The following SLC25A21 variants were observed in gnomAD, a reference collection of about 807,000 sequenced individuals.
SLC25A21 encodes solute carrier family 25 member 21.
In SLC25A21, 47 loss-of-function variants were observed where a neutral mutation model predicts 43.8. That is an observed-to-expected ratio of 1.07 (90% confidence interval 0.85 to 1.37). SLC25A21 has a LOEUF of 1.37. SLC25A21 is among the 40% of genes most tolerant of loss of function. SLC25A21 has a pLI of 0.00. For synonymous variants in SLC25A21, 131 were observed against 121.3 expected (o/e 1.08, Z -0.52); for missense variants, 352 against 350.2 (o/e 1.00, Z -0.04).
intron 2 of SLC25A21, among the ~76,000 whole-genome samples, chr14:36,817,473 C>T (rs1167619903): frequency 5.9e-5 from 9 of 152,094 alleles, no homozygotes; most frequent in Admixed American, 5.9e-4. Flanking sequence ...AACACCACAG[C>T]CGCCTACCCC....
chr14:36,876,302 A>G lies in SLC25A21; in HGVS notation c.71-1298T>C, dbSNP rs143984746. Reference sequence around the variant, plus strand: ...CCCACTTTGCTTCTGCAGAAGCCTTAGGAAGTTTTCCCTGCATATGCCTGC... The same window carrying G: ...CCCACTTTGCTTCTGCAGAAGCCTTGGGAAGTTTTCCCTGCATATGCCTGC... On this transcript the variant is annotated intron_variant, in intron 1 of 9. Coordinates refer to ENST00000331299, the MANE Select transcript of SLC25A21 (RefSeq NM_030631.4). 6.6e-5 allele frequency among the ~76,000 whole-genome samples: 10 copies of G among 152,288 alleles called. No individual in the cohort carries two copies. In the East Asian group the frequency reaches 1.9e-3, roughly 29 times the overall value.
chr14:36,929,762 G>A (rs1442278958), intron 1 of SLC25A21, among the ~76,000 whole-genome samples: 2 of 152,156 alleles, frequency 1.3e-5, no homozygotes, highest in Non-Finnish European at 2.9e-5. Context: ...TCTCCAAGAA[G>A]GCCACCGTCA....
intron 1 of SLC25A21, among the ~76,000 whole-genome samples, chr14:37,013,665 C>T (rs574524759): frequency 1.3e-5 from 2 of 152,036 alleles, no homozygotes; most frequent in Non-Finnish European, 2.9e-5. Context: ...AAATATTTAC[C>T]CCTCACCCCC....
At chr14:36,758,577 G>C (rs1334758121) in intron 3 of SLC25A21, among the ~76,000 whole-genome samples, 2 of 136,112 alleles carry the variant, frequency 1.5e-5, no homozygotes, top group Non-Finnish European at 3.2e-5. Flanking sequence ...TTTCTATATT[G>C]GGTCAGCCAG....
rs1202734856 is a variant in SLC25A21 at position 36,680,383 on chromosome 14, G to GAAAT, written c.*271_*274dup. 2.9e-6 allele frequency: 3 copies of GAAAT among 1,044,316 alleles called. No homozygotes were observed. The highest frequency in any genetic ancestry group is 4.6e-5 in the South Asian group (1 of 21,640). The allele number at this position is 1,044,316 out of a possible 1,614,324, so 64.7% of individuals were successfully genotyped here. A position where few individuals can be genotyped will look rare whatever the true frequency, so the allele number is the denominator to read the frequency against. On this transcript the variant is annotated 3_prime_UTR_variant, in exon 10 of 10. Transcript: ENST00000331299. ...GAGACAAAGTTTCTATTTATTTTAT[G>GAAAT]AAATAAATATATGATTTCTATGCTA...
intron 4 of SLC25A21, among the ~76,000 whole-genome samples, chr14:36,733,187 A>ACT (rs1884900298): frequency 6.6e-6 from 1 of 152,254 alleles, no homozygotes; most frequent in Admixed American, 6.5e-5. Context: ...CTCACTGAAC[A>ACT]GATGAGTATA....
At chr14:36,836,480 A>G (rs1889213652) in intron 2 of SLC25A21, among the ~76,000 whole-genome samples, 1 of 152,204 alleles carries the variant, frequency 6.6e-6, no homozygotes, top group Non-Finnish European at 1.5e-5. Flanking sequence ...TGGTGTCTTT[A>G]CATTTCAGGT....
intron 1 of SLC25A21, among the ~76,000 whole-genome samples, chr14:37,100,030 GTT>G (rs549397815): frequency 0.03 from 2,113 of 71,050 alleles, 27 homozygotes; most frequent in Non-Finnish European, 0.036. Flanking sequence ...CCACCTCTAT[GTT>G]TGTTTGTTTG....
At chr14:37,123,768 C>G (rs1963251313) in intron 1 of SLC25A21, among the ~76,000 whole-genome samples, 1 of 152,014 alleles carries the variant, frequency 6.6e-6, no homozygotes, top group Non-Finnish European at 1.5e-5. Flanking sequence ...CACCTGTAGC[C>G]CTAGCACTTT....
In SLC25A21 at chr14:36,679,156, G is replaced by A; in HGVS notation, c.*1502C>T. 1.0e-6 allele frequency: 1 copy of A among 985,308 alleles called. No homozygotes were observed. The highest frequency in any genetic ancestry group is 1.7e-5 in the African/African-American group (1 of 57,322). The allele number at this position is 985,308 out of a possible 1,614,324, so 61.0% of individuals were successfully genotyped here. A position where few individuals can be genotyped will look rare whatever the true frequency, so the allele number is the denominator to read the frequency against. On this transcript the variant is annotated 3_prime_UTR_variant, in exon 10 of 10. Coordinates refer to ENST00000331299, the MANE Select transcript of SLC25A21 (RefSeq NM_030631.4). ...ACCTGCAAGGATAGAATGCAGTTGT[G>A]CAACAGAGACACATTCTTATTTCTT...
chr14:36,779,566 ATAT>A (rs1219275465), intron 3 of SLC25A21, among the ~76,000 whole-genome samples: 24 of 143,630 alleles, frequency 1.7e-4, no homozygotes, highest in Non-Finnish European at 3.5e-4. Context: ...TATATGAAGA[ATAT>A]TATCCAGTCT....
intron 1 of SLC25A21, among the ~76,000 whole-genome samples, chr14:36,888,706 T>C (rs1373490112): frequency 1.3e-5 from 2 of 152,156 alleles, no homozygotes; most frequent in African/African-American, 4.8e-5. Flanking sequence ...TCATTAGATG[T>C]ACAGAAACAG....
chr14:36,717,006 C>T (rs1387895431), intron 6 of SLC25A21, among the ~76,000 whole-genome samples: 3 of 152,082 alleles, frequency 2.0e-5, no homozygotes, highest in South Asian at 2.1e-4. Flanking sequence ...GAAAGCAAAC[C>T]GGATGAGACT....
At chr14:36,804,076 T>TAAAC (rs577826592) in intron 3 of SLC25A21, among the ~76,000 whole-genome samples, 68 of 152,320 alleles carry the variant, frequency 4.5e-4, no homozygotes, top group African/African-American at 1.2e-3. Context: ...AGACCTTTTT[T>TAAAC]AAACAAACAA....
chr14:37,151,714 G>C (rs1963761832), intron 1 of SLC25A21, among the ~76,000 whole-genome samples: 1 of 152,116 alleles, frequency 6.6e-6, no homozygotes, highest in South Asian at 2.1e-4. Flanking sequence ...CCTTGAACAA[G>C]ATATTTAATT....
chr14:37,156,685 T>C (rs1043806742), intron 1 of SLC25A21, among the ~76,000 whole-genome samples: 3 of 152,032 alleles, frequency 2.0e-5, no homozygotes, highest in African/African-American at 4.8e-5. Context: ...AAGACAAAGA[T>C]GGTCATTATG....
At chr14:37,009,496 A>G (rs1960683307) in intron 1 of SLC25A21, among the ~76,000 whole-genome samples, 3 of 152,158 alleles carry the variant, frequency 2.0e-5, no homozygotes, top group Non-Finnish European at 4.4e-5. Context: ...AAGAAAAAAA[A>G]AGAACTTAGA....
intron 2 of SLC25A21, among the ~76,000 whole-genome samples, chr14:36,832,430 T>G (rs1301696113): frequency 6.6e-6 from 1 of 152,164 alleles, no homozygotes; most frequent in African/African-American, 2.4e-5. Context: ...AATTTTCTCA[T>G]AAATATCCTA....
chr14:37,049,731 A>C (rs7161715), intron 1 of SLC25A21, among the ~76,000 whole-genome samples: 10,988 of 152,278 alleles, frequency 0.072, 848 homozygotes, highest in African/African-American at 0.19. Flanking sequence ...AAAAAGAAAT[A>C]GGTGAAATTA....
Sources: gnomAD v4.1 joint callset for allele counts (sites outside exome capture counted in the v4.1 genomes callset) on GRCh38, gnomAD v4.1.1 for gene constraint, MANE v1.5 for transcripts, NCBI Gene and HGNC (gene_info 2026-07-23, HGNC 2026-07-21) for gene names.